Variants in NEB observed in about 807,000 individuals in gnomAD.
NEB encodes the protein nebulin.
Under a neutral mutation model 952.2 loss-of-function variants are expected in NEB, and 512 were observed. That is an observed-to-expected ratio of 0.54 (90% CI 0.50 to 0.58). The LOEUF (loss-of-function observed/expected upper bound fraction) is 0.58. NEB is among the 20% of genes least tolerant of loss of function. NEB has a pLI of 0.00. For missense variants in NEB, 8,428 were observed against 9,231.1 expected, an observed-to-expected ratio of 0.91 and a Z score of 3.56; for synonymous variants, 2,900 against 3,149.8, an observed-to-expected ratio of 0.92 and a Z score of 2.66.
chr2:151,570,379 A>G lies in NEB; in HGVS notation c.17132T>C (p.Leu5711Pro), dbSNP rs1247359754. ...GTGTCCCTTCTGCTTCTCATGGTCAAGCTTATATTTATACTGGAGATGCAA... is the reference window on the plus strand; with the variant it reads ...GTGTCCCTTCTGCTTCTCATGGTCAGGCTTATATTTATACTGGAGATGCAA... Reference protein sequence around the residue: ...REIASDYKYKLDHEKQKGHYV... With the variant: ...REIASDYKYKPDHEKQKGHYV... Residue 5711 changes from leucine (L) to proline (P), a missense_variant, in exon 109 of 182, where the codon CTT (leucine) becomes CCT (proline). Physicochemically the swap from Leu to Pro is moderately conservative, Grantham distance 98. Around this residue, in one of 11 missense-constraint regions of NEB, gnomAD observed 3,374 missense variants for 3,651.5 expected, o/e 0.92. Transcript: ENST00000397345. The G allele has an allele frequency of 6.3e-7, 1 of 1,578,764 alleles. No homozygotes were observed. Among genetic ancestry groups the G allele is most frequent in the Non-Finnish European group, 8.6e-7 (1 of 1,162,724 alleles).
intron 64 of NEB, among the ~76,000 whole-genome samples, chr2:151,635,787 G>T: frequency 6.6e-6 from 1 of 151,772 alleles, no homozygotes; most frequent in South Asian, 2.1e-4. Flanking sequence ...TTTTCATAAG[G>T]GCAAATTTCA....
intron 179 of NEB, among the ~76,000 whole-genome samples, chr2:151,491,037 CT>C (rs35824119): frequency 0.63 from 87,227 of 137,832 alleles, 27,160 homozygotes; most frequent in Middle Eastern, 0.73. Flanking sequence ...ACATAATATC[CT>C]TTTTTTTTTT....
At chr2:151,555,261 A>G (rs1004620417) in intron 124 of NEB, among the ~76,000 whole-genome samples, 1 of 152,206 alleles carries the variant, frequency 6.6e-6, no homozygotes, top group African/African-American at 2.4e-5. Context: ...CTGTATCAAA[A>G]GTACTTTTAA....
At chr2:151,537,096 G>T in intron 141 of NEB, 36 bp downstream of exon 141, 1 of 1,341,122 alleles carries the variant, frequency 7.5e-7, no homozygotes, top group Non-Finnish European at 1.1e-6. Context: ...GGTATATGTC[G>T]AATGGATGAG....
At chr2:151,709,409 G>A (rs2099737239) in intron 12 of NEB, among the ~76,000 whole-genome samples, 3 of 152,162 alleles carry the variant, frequency 2.0e-5, no homozygotes, top group Admixed American at 6.5e-5. Flanking sequence ...GTAATTAGAT[G>A]TTATTAATGC....
chr2:151,526,252 T>G lies in NEB; in HGVS notation c.21956A>C (p.Lys7319Thr), dbSNP rs200011828. The G allele has an allele frequency of 1.2e-6, 2 of 1,610,666 alleles. No homozygotes were observed. Among genetic ancestry groups the G allele is most frequent in the African/African-American group, 2.7e-5 (2 of 74,878 alleles). ...TCCTCTTTCCTTGACATGTTTCTCTTTGTATTTCAGCTTCAGGGGCAGGAA... is the reference window on the plus strand; with the variant it reads ...TCCTCTTTCCTTGACATGTTTCTCTGTGTATTTCAGCTTCAGGGGCAGGAA... ...NTLIESDLKY[K>T]EKHVKERGTC... is the part of the protein sequence containing the mutation. The change falls in exon 149 of 182, where the codon AAA becomes ACA. Residue 7319 changes from lysine (K) to threonine (T), a missense_variant. Transcript: ENST00000397345.
Position 151,665,411 on chromosome 2 carries a change from G to C in NEB, c.5160C>G (p.Pro1720=), listed in dbSNP as rs377168964. The part of the protein sequence containing the change: ...ILSEKKYRQH[P]EKLKFTYAMD... ...TGGCGTAAGTGAACTTCAGCTTCTC[G>C]GGGTGCTGGCGATACTTCTTCTCAC... Residue 1720 remains proline (P), a synonymous_variant, in exon 42 of 182, where the codon CCC becomes CCG. Transcript: ENST00000397345. 1.9e-6 allele frequency: 3 copies of C among 1,613,612 alleles called. No individual in the cohort carries two copies. The highest frequency in any genetic ancestry group is 1.1e-5 in the South Asian group (1 of 91,014).
chr2:151,517,372 A>G (rs1489016532), intron 156 of NEB, among the ~76,000 whole-genome samples: 1 of 152,210 alleles, frequency 6.6e-6, no homozygotes, highest in Admixed American at 6.5e-5. Context: ...GGGGGCACAT[A>G]CTGCCCTACA....
chr2:151,575,426 G>A (rs141545609), intron 107 of NEB, among the ~76,000 whole-genome samples: 218 of 152,106 alleles, frequency 1.4e-3, no homozygotes, highest in African/African-American at 5.0e-3. Context: ...CTCTTCATTC[G>A]TCTTTCACCT....
chr2:151,721,010 C>T, intron 9 of NEB, among the ~76,000 whole-genome samples: 1 of 152,294 alleles, frequency 6.6e-6, no homozygotes, highest in East Asian at 1.9e-4. Context: ...CCTTTACCAG[C>T]TGTGCCCCTA....
At chr2:151,511,143 G>A (rs1459681491) in intron 161 of NEB, among the ~76,000 whole-genome samples, 2 of 152,216 alleles carry the variant, frequency 1.3e-5, no homozygotes, top group African/African-American at 4.8e-5. Flanking sequence ...AGTGTCAAAA[G>A]CAGAAGGTAA....
At chr2:151,683,443 A>G (rs1325133794) in intron 28 of NEB, among the ~76,000 whole-genome samples, 2 of 152,242 alleles carry the variant, frequency 1.3e-5, no homozygotes, top group Non-Finnish European at 2.9e-5. Context: ...TTTTAGATAC[A>G]AAATTCAAAC....
Position 151,729,639 on chromosome 2 carries a change from C to T in NEB, c.54G>A (p.Val18=), listed in dbSNP as rs1008378873. The T allele has an allele frequency of 2.5e-6, 4 of 1,613,314 alleles. No homozygotes were observed. Among genetic ancestry groups the T allele is most frequent in the South Asian group, 2.2e-5 (2 of 91,064 alleles). ...CCTCTCCCGGCACCTCTTCGTAAACCACTTCTTCTGTGTAGTACTGTAAAT... is the reference window on the plus strand; with the variant it reads ...CCTCTCCCGGCACCTCTTCGTAAACTACTTCTTCTGTGTAGTACTGTAAAT... ...EEVVEYYTEE[V]VYEEVPGETI... Residue 18 remains valine (V), a synonymous_variant, in exon 4 of 182, where the codon GTG becomes GTA. Coordinates refer to ENST00000397345, the MANE Select transcript of NEB (RefSeq NM_001164508.2).
rs941020065 is a variant in NEB, at chr2:151,516,387, C to G, written c.22905+72G>C. On this transcript the variant is annotated intron_variant, in intron 157 of 181. Coordinates refer to ENST00000397345, the MANE Select transcript of NEB (RefSeq NM_001164508.2). ...CACTTTTGGATGACAGGAAACTGGC[C>G]ATGTCATGGGCAGAGCTTGTGTTCA... 8.3e-5 allele frequency: 85 copies of G among 1,019,544 alleles called. No homozygotes were observed. In the Admixed American group the frequency reaches 1.9e-3, roughly 22 times the overall value. 63.2% of individuals were successfully genotyped at this position (1,019,544 alleles called of 1,614,324 possible). A position where few individuals can be genotyped will look rare whatever the true frequency, so the allele number is the denominator to read the frequency against.
chr2:151,622,225 G>C (rs2154031362), intron 71 of NEB, among the ~76,000 whole-genome samples: 1 of 152,160 alleles, frequency 6.6e-6, no homozygotes, highest in Non-Finnish European at 1.5e-5. Context: ...GAACTCAAGT[G>C]ATCCCTCCTG....
intron 161 of NEB, among the ~76,000 whole-genome samples, chr2:151,511,794 G>A (rs899764511): frequency 3.3e-5 from 5 of 152,174 alleles, no homozygotes; most frequent in South Asian, 2.1e-4. Flanking sequence ...GGAGTCAGGG[G>A]TTAGACTGTG....
chr2:151,610,182 A>T, intron 80 of NEB, 62 bp from the exon 81 acceptor site: 5 of 1,353,708 alleles, frequency 3.7e-6, no homozygotes, highest in Non-Finnish European at 5.1e-6. Flanking sequence ...TGTGCTGACA[A>T]TTACAGACAA....
At chr2:151,567,143 T>G (rs1238191505) in intron 114 of NEB, 25 bp downstream of exon 114, 1 of 1,545,690 alleles carries the variant, frequency 6.5e-7, no homozygotes, top group Admixed American at 1.8e-5. Context: ...CGTTTCTAGA[T>G]AATGAAGAAA....
At chr2:151,553,373 A>G in intron 127 of NEB, 25 bp downstream of exon 127, 2 of 1,533,950 alleles carry the variant, frequency 1.3e-6, no homozygotes, top group Non-Finnish European at 9.0e-7. Context: ...GAAATATACT[A>G]AAGAACAAAA....
Sources: gnomAD v4.1 joint callset for allele counts (sites outside exome capture counted in the v4.1 genomes callset) on GRCh38, gnomAD v4.1.1 for gene constraint, gnomAD v4.1.1 regional missense constraint, MANE v1.5 for transcripts, NCBI Gene and HGNC (gene_info 2026-07-23, HGNC 2026-07-21) for gene names.